Variants in PPP2R2B observed in about 807,000 individuals in gnomAD.
The protein encoded by PPP2R2B is serine/threonine-protein phosphatase 2A 55 kDa regulatory subunit B beta isoform.
PPP2R2B carries 5 observed loss-of-function variants against 46.0 expected under a neutral mutation model. The observed-to-expected ratio is 0.11, with a 90% CI of 0.06 to 0.23. The LOEUF is 0.23. Among genes scored for constraint, PPP2R2B ranks in the 10% least tolerant of loss-of-function variants. The pLI, the probability that PPP2R2B is intolerant of heterozygous loss-of-function variation, is 1.00. For synonymous variants in PPP2R2B, 215 were observed against 206.7 expected (o/e 1.04, Z -0.34); for missense variants, 367 against 575.0 (o/e 0.64, Z 3.70).
At chr5:146,593,247 C>A (rs113207618) in intron 8 of PPP2R2B, among the ~76,000 whole-genome samples, 185 bp from the exon 9 acceptor site, 1 of 152,174 alleles carries the variant, frequency 6.6e-6, no homozygotes, top group Non-Finnish European at 1.5e-5. Flanking sequence ...GGTTGATGAG[C>A]TTCTCATGTA....
intron 2 of PPP2R2B, chr5:146,707,392 TTCAGCA>T (rs1779929633): frequency 2.5e-6 from 2 of 784,542 alleles, no homozygotes; most frequent in Non-Finnish European, 4.7e-6. Flanking sequence ...GTTAAGGGGG[TTCAGCA>T]GGCTCTGGTT....
chr5:146,829,998 C>T (rs904316176), intron 2 of PPP2R2B, among the ~76,000 whole-genome samples: 1 of 152,034 alleles, frequency 6.6e-6, no homozygotes, highest in African/African-American at 2.4e-5. Context: ...GTGAGAATAC[C>T]TACATCATAG....
chr5:146,791,432 C>T (rs1291685058), intron 2 of PPP2R2B, among the ~76,000 whole-genome samples: 2 of 151,940 alleles, frequency 1.3e-5, no homozygotes, highest in African/African-American at 2.4e-5. Flanking sequence ...TGTGCGTGTG[C>T]GTCTGTACAG....
intron 1 of PPP2R2B, among the ~76,000 whole-genome samples, chr5:147,019,777 T>G: frequency 6.6e-6 from 1 of 152,166 alleles, no homozygotes; most frequent in Admixed American, 6.5e-5. Flanking sequence ...ATGTAAGAGA[T>G]GTTAAAGCCA....
intron 2 of PPP2R2B, among the ~76,000 whole-genome samples, chr5:146,873,531 C>T (rs556558457): frequency 6.6e-6 from 1 of 152,268 alleles, no homozygotes; most frequent in African/African-American, 2.4e-5. Context: ...TTTCCCCCAA[C>T]ATTTTATTAT....
chr5:147,049,950 C>T (rs1756725679), intron 1 of PPP2R2B, among the ~76,000 whole-genome samples: 1 of 152,062 alleles, frequency 6.6e-6, no homozygotes, highest in Non-Finnish European at 1.5e-5. Context: ...AAGATACAGG[C>T]TCATGAGATC....
At chr5:146,967,314 C>T (rs888801441) in intron 1 of PPP2R2B, among the ~76,000 whole-genome samples, 1 of 152,178 alleles carries the variant, frequency 6.6e-6, no homozygotes, top group African/African-American at 2.4e-5. Context: ...TAGATGTCTC[C>T]TCCACGTTCA....
At chr5:146,853,863 C>A (rs1473441180) in intron 2 of PPP2R2B, among the ~76,000 whole-genome samples, 1 of 152,066 alleles carries the variant, frequency 6.6e-6, no homozygotes, top group Non-Finnish European at 1.5e-5. Flanking sequence ...CCCTCCTCCT[C>A]ATCCTTCAGG....
intron 1 of PPP2R2B, among the ~76,000 whole-genome samples, chr5:146,901,730 A>G (rs902910094): frequency 3.9e-5 from 6 of 152,218 alleles, no homozygotes; most frequent in Middle Eastern, 3.4e-3. Flanking sequence ...AGGAAGATTT[A>G]CTTGGTTAGA....
At chr5:147,006,769 G>A (rs1754458092) in intron 1 of PPP2R2B, among the ~76,000 whole-genome samples, 1 of 152,088 alleles carries the variant, frequency 6.6e-6, no homozygotes, top group Non-Finnish European at 1.5e-5. Flanking sequence ...CACCTTCTTA[G>A]GGGAAGAGTG....
chr5:146,714,484 G>T (rs1449914202), intron 2 of PPP2R2B, among the ~76,000 whole-genome samples: 3 of 152,058 alleles, frequency 2.0e-5, no homozygotes, highest in African/African-American at 7.2e-5. Flanking sequence ...TTTATATGCT[G>T]GTGGGAAAGT....
chr5:146,666,060 G>A (rs1776963986), intron 5 of PPP2R2B, among the ~76,000 whole-genome samples: 1 of 152,182 alleles, frequency 6.6e-6, no homozygotes, highest in Admixed American at 6.5e-5. Context: ...AGCATTGTTA[G>A]TTATAGCAAA....
intron 2 of PPP2R2B, among the ~76,000 whole-genome samples, chr5:146,732,875 T>C (rs187886504): frequency 6.6e-6 from 1 of 152,354 alleles, no homozygotes; most frequent in East Asian, 1.9e-4. Context: ...ATAGATGTTA[T>C]ACAACTTGTT....
intron 2 of PPP2R2B, among the ~76,000 whole-genome samples, chr5:146,807,760 C>A (rs1004200993): frequency 3.2e-4 from 44 of 139,144 alleles, no homozygotes; most frequent in Non-Finnish European, 4.9e-4. Flanking sequence ...CTTGGTTAAA[C>A]CTCCTGGGGT....
intron 1 of PPP2R2B, among the ~76,000 whole-genome samples, chr5:147,051,753 C>CTTTTTTTTTT (rs60522229): frequency 2.2e-5 from 2 of 92,366 alleles, no homozygotes; most frequent in African/African-American, 4.6e-5. Flanking sequence ...GTTTTGCTTC[C>CTTTTTTTTTT]TTTTTTTTTT....
At chr5:147,078,996 TTTTC>T (rs1178894339) in intron 2 of PPP2R2B, among the ~76,000 whole-genome samples, 1 of 152,040 alleles carries the variant, frequency 6.6e-6, no homozygotes, top group Admixed American at 6.6e-5. Context: ...TAGGTCATTT[TTTTC>T]TTTCTTTTTT....
intron 1 of PPP2R2B, among the ~76,000 whole-genome samples, chr5:146,925,794 G>A (rs1763763824): frequency 6.6e-6 from 1 of 152,000 alleles, no homozygotes; most frequent in African/African-American, 2.4e-5. Context: ...GCTTGAGCTT[G>A]TCCCACAGGT....
chr5:146,748,747 G>A (rs2151232471), intron 2 of PPP2R2B, among the ~76,000 whole-genome samples: 1 of 152,240 alleles, frequency 6.6e-6, no homozygotes, highest in Non-Finnish European at 1.5e-5. Flanking sequence ...TCCATGGTAT[G>A]GACGTACCAC....
intron 2 of PPP2R2B, among the ~76,000 whole-genome samples, chr5:146,821,371 C>A (rs1758252227): frequency 6.6e-6 from 1 of 152,180 alleles, no homozygotes; most frequent in Admixed American, 6.5e-5. Context: ...CCCCTTGAAG[C>A]TCTGATTTAT....
Sources: gnomAD v4.1 joint callset for allele counts (sites outside exome capture counted in the v4.1 genomes callset) on GRCh38, gnomAD v4.1.1 for gene constraint, MANE v1.5 for transcripts, NCBI Gene and HGNC (gene_info 2026-07-23, HGNC 2026-07-21) for gene names.